The following ZDBF2 variants were observed in gnomAD, a reference collection of about 807,000 sequenced individuals.
The protein encoded by ZDBF2 is DBF4-type zinc finger-containing protein 2.
In ZDBF2, 6 loss-of-function variants were observed where a neutral mutation model predicts 9.4. The observed-to-expected ratio is 0.64, with a 90% confidence interval of 0.35 to 1.27. The LOEUF (loss-of-function observed/expected upper bound fraction) is 1.27, where lower values mean the gene tolerates loss of function less well. Ranked by LOEUF, ZDBF2 falls within the 50% of genes most tolerant of loss-of-function variation. ZDBF2 has a pLI of 0.03. For missense variants in ZDBF2, 2,697 were observed against 2,766.8 expected, an observed-to-expected ratio of 0.97 and a Z score of 0.57; for synonymous variants, 905 against 946.3, an observed-to-expected ratio of 0.96 and a Z score of 0.80.
rs895171154 is a variant in ZDBF2 at position 206,301,876 on chromosome 2, T to G, written c.189-2841T>G. 4.0e-4 allele frequency among the ~76,000 whole-genome samples: 61 copies of G among 152,262 alleles called. 1 individual carries two copies. Among genetic ancestry groups the G allele is most frequent in the African/African-American group, 1.4e-3 (60 of 41,582 alleles). ...TTGGGTGCCCAGTTGTATTTATGAA[T>G]TCTTTTCTTAATGGAAGTATTTAAA... On this transcript the variant is annotated intron_variant, in intron 4 of 4. Transcript: ENST00000374423.
At chr2:206,284,220 T>C (rs902523739) in intron 3 of ZDBF2, among the ~76,000 whole-genome samples, 1 of 152,162 alleles carries the variant, frequency 6.6e-6, no homozygotes, top group Non-Finnish European at 1.5e-5. Context: ...ATAGAAATCA[T>C]GTTAAAATTC....
At chr2:206,287,387 A>G (rs931053403) in intron 3 of ZDBF2, among the ~76,000 whole-genome samples, 3 of 152,284 alleles carry the variant, frequency 2.0e-5, no homozygotes, top group Admixed American at 6.5e-5. Context: ...AGCACTTTCA[A>G]TATATCATCC....
At chr2:206,300,513 C>T (rs534696908) in intron 4 of ZDBF2, among the ~76,000 whole-genome samples, 3 of 152,200 alleles carry the variant, frequency 2.0e-5, no homozygotes, top group East Asian at 1.9e-4. Context: ...ATCTTAGAAT[C>T]GATGTGCCCT....
rs1415224108 is a variant in ZDBF2, at chr2:206,311,419, T to G, written c.6891T>G (p.Ala2297=). ...CTCCTCCAAAGCGACCTGTGCGGGCTTCTTGCCGCGTTGCAAGAAGGAGGA... is the reference window on the plus strand; with the variant it reads ...CTCCTCCAAAGCGACCTGTGCGGGCGTCTTGCCGCGTTGCAAGAAGGAGGA... The part of the protein sequence containing the change: ...ANPPPKRPVR[A]SCRVARRRKK... The change falls in exon 5 of 5, where the codon GCT becomes GCG. Residue 2297 remains alanine (A), a synonymous_variant. Coordinates refer to ENST00000374423, the MANE Select transcript of ZDBF2 (RefSeq NM_020923.3). The G allele has an allele frequency of 1.9e-6, 3 of 1,610,664 alleles. No homozygotes were observed. The South Asian group carries it at 3.3e-5, about 18-fold the overall frequency.
chr2:206,284,669 A>T (rs946617464), intron 3 of ZDBF2, among the ~76,000 whole-genome samples: 3 of 152,124 alleles, frequency 2.0e-5, no homozygotes, highest in Non-Finnish European at 2.9e-5. Flanking sequence ...CACAACTTTG[A>T]TGACAAGATT....
At chr2:206,275,136 CG>C (rs1429648532) in intron 1 of ZDBF2, among the ~76,000 whole-genome samples, 190 bp downstream of exon 1, 1 of 152,036 alleles carries the variant, frequency 6.6e-6, no homozygotes, top group Non-Finnish European at 1.5e-5. Context: ...TGAGAGGTGT[CG>C]GCGGCTCCGG....
At chr2:206,300,493 G>A (rs565780469) in intron 4 of ZDBF2, among the ~76,000 whole-genome samples, 1 of 152,210 alleles carries the variant, frequency 6.6e-6, no homozygotes, top group Non-Finnish European at 1.5e-5. Context: ...TATGCATTTT[G>A]GGCGTGAATA....
Position 206,308,618 on chromosome 2 carries a change from C to T in ZDBF2, c.4090C>T (p.Pro1364Ser), listed in dbSNP as rs748656093. Reference sequence around the variant, plus strand: ...AGATAAGAGCAGTAATTCTTATAGTCCTGAAGAAAGTTCTGATTCCAATGA... The same window carrying T: ...AGATAAGAGCAGTAATTCTTATAGTTCTGAAGAAAGTTCTGATTCCAATGA... ...LEDKSSNSYS[P>S]EESSDSNDSF... The change falls in exon 5 of 5, where the codon CCT becomes TCT. Residue 1364 changes from proline to serine, a missense_variant. By Grantham distance (74) the Pro-to-Ser change is moderately conservative. Around this residue, in one of 3 missense-constraint regions of ZDBF2, gnomAD observed 1,783 missense variants for 1,776.5 expected, o/e 1.00. Coordinates refer to ENST00000374423, the MANE Select transcript of ZDBF2 (RefSeq NM_020923.3). The T allele has an allele frequency of 5.0e-6, 8 of 1,613,000 alleles. No homozygotes were observed. In the South Asian group the frequency reaches 5.5e-5, roughly 11 times the overall value.
chr2:206,308,206 T>A lies in ZDBF2; in HGVS notation c.3678T>A (p.Asp1226Glu), dbSNP rs1692926029. ...ETVKEISLWK[D>E]EEVDTEDRRN... ...TTAAAGAAATAAGCCTTTGGAAGGATGAAGAAGTTGACACGGAAGATAGGA... is the reference window on the plus strand; with the variant it reads ...TTAAAGAAATAAGCCTTTGGAAGGAAGAAGAAGTTGACACGGAAGATAGGA... The change falls in exon 5 of 5, where the codon GAT (aspartate) becomes GAA (glutamate). Residue 1226 changes from aspartate (D) to glutamate (E), a missense_variant. Around this residue, in one of 3 missense-constraint regions of ZDBF2, gnomAD observed 1,783 missense variants for 1,776.5 expected, o/e 1.00. Coordinates refer to ENST00000374423, the MANE Select transcript of ZDBF2 (RefSeq NM_020923.3). The A allele has an allele frequency of 1.2e-6, 2 of 1,613,716 alleles. No homozygotes were observed. Among genetic ancestry groups the A allele is most frequent in the East Asian group, 2.2e-5 (1 of 44,884 alleles).
rs780860606 is a variant in ZDBF2 at position 206,307,931 on chromosome 2, A to G, written c.3403A>G (p.Ile1135Val). Residue 1135 changes from isoleucine (I) to valine (V), a missense_variant, in exon 5 of 5, where the codon ATT becomes GTT. Coordinates refer to ENST00000374423, the MANE Select transcript of ZDBF2 (RefSeq NM_020923.3). ...QSVADQPKVA[I>V]KHVNLGNENH... ...TGTGGCTGATCAACCCAAAGTAGCT[A>G]TTAAACATGTGAACCTTGGGAATGA... 2.5e-6 allele frequency: 4 copies of G among 1,613,774 alleles called. No individual in the cohort carries two copies. Among genetic ancestry groups the G allele is most frequent in the Non-Finnish European group, 8.5e-7 (1 of 1,179,794 alleles).
At position 206,300,110 on chromosome 2, in the gene ZDBF2, A is replaced by AAAAC. The variant is rs567460508; in HGVS notation, c.188+2754_188+2757dup. On this transcript the variant is annotated intron_variant, in intron 4 of 4. Transcript: ENST00000374423. ...GGCAACAAGAGCGAAACTTGGTCTC[A>AAAAC]AAACAAACAAACAAACAAACCCAAA... Among the ~76,000 whole-genome samples, 634 of 152,296 alleles carry AAAAC rather than the reference A, an allele frequency of 4.2e-3. 6 individuals are homozygous for AAAAC. Among genetic ancestry groups the AAAAC allele is most frequent in the African/African-American group, 0.014 (574 of 41,548 alleles).
At chr2:206,299,984 C>T (rs949203171) in intron 4 of ZDBF2, among the ~76,000 whole-genome samples, 2 of 152,128 alleles carry the variant, frequency 1.3e-5, no homozygotes, top group African/African-American at 4.8e-5. Flanking sequence ...TGGTGCATGC[C>T]TGTAATCCCA....
intron 4 of ZDBF2, among the ~76,000 whole-genome samples, chr2:206,302,184 AT>A (rs1166977871): frequency 2.6e-5 from 4 of 151,804 alleles, no homozygotes; most frequent in African/African-American, 9.7e-5. Flanking sequence ...TATTTTTTAA[AT>A]TTTTTGTAGA....
chr2:206,279,830 A>C (rs1040160442), intron 2 of ZDBF2, among the ~76,000 whole-genome samples: 1 of 152,128 alleles, frequency 6.6e-6, no homozygotes, highest in African/African-American at 2.4e-5. Context: ...TTCGAGACAA[A>C]GCCTCGCTCT....
chr2:206,282,963 CGTT>C (rs1240166246), intron 3 of ZDBF2, among the ~76,000 whole-genome samples: 4 of 152,162 alleles, frequency 2.6e-5, no homozygotes, highest in Non-Finnish European at 4.4e-5. Flanking sequence ...TGGAATCAAA[CGTT>C]GTGTGGCCTT....
chr2:206,276,216 AT>A lies in ZDBF2; in HGVS notation c.-103+1273del, dbSNP rs1325464947. Reference sequence around the variant, plus strand: ...TAACTGTGCGCGTGTGCATTGTGAAATTTAGTGGGTCGTGACTAGCATTAAA... The same window carrying A: ...TAACTGTGCGCGTGTGCATTGTGAAATTAGTGGGTCGTGACTAGCATTAAA... On this transcript the variant is annotated intron_variant, in intron 1 of 4. Coordinates refer to ENST00000374423, the MANE Select transcript of ZDBF2 (RefSeq NM_020923.3). 8.5e-5 allele frequency among the ~76,000 whole-genome samples: 13 copies of A among 152,312 alleles called. No individual in the cohort carries two copies. The East Asian group carries it at 2.3e-3, about 27-fold the overall frequency.
At chr2:206,297,661 G>A (rs888279742) in intron 4 of ZDBF2, among the ~76,000 whole-genome samples, 2 of 151,986 alleles carry the variant, frequency 1.3e-5, no homozygotes, top group African/African-American at 4.8e-5. Flanking sequence ...AGGGGGAAAA[G>A]GAGGAAGAGA....
chr2:206,306,022 T>C lies in ZDBF2; in HGVS notation c.1494T>C (p.Cys498=), dbSNP rs1290302284. 1 of 1,613,464 alleles carries C rather than the reference T, an allele frequency of 6.2e-7. No individual in the cohort carries two copies. The highest frequency in any genetic ancestry group is 8.5e-7 in the Non-Finnish European group (1 of 1,179,616). Residue 498 remains cysteine, a synonymous_variant, in exon 5 of 5, where the codon TGT becomes TGC. Coordinates refer to ENST00000374423, the MANE Select transcript of ZDBF2 (RefSeq NM_020923.3). ...ESSSSETNFD[C]DASPQSTSDY... is the part of the protein sequence containing the mutation. ...GTAGTTCTGAAACGAATTTTGATTG[T>C]GATGCTTCACCTCAGTCCACTAGTG...
chr2:206,308,401 A>T lies in ZDBF2; in HGVS notation c.3873A>T (p.Glu1291Asp), dbSNP rs772903872. Residue 1291 changes from glutamate (E) to aspartate (D), a missense_variant, in exon 5 of 5, where the codon GAA becomes GAT. Glu to Asp is a conservative substitution (Grantham distance 45). Coordinates refer to ENST00000374423, the MANE Select transcript of ZDBF2 (RefSeq NM_020923.3). ...CCAGAATAAATTTTGATTCTCATGA[A>T]CCCCTTCAGTCCGTAACTAATAAAA... Reference protein sequence around the residue: ...TDSRINFDSHEPLQSVTNKIP... With the variant: ...TDSRINFDSHDPLQSVTNKIP... 6.2e-7 allele frequency: 1 copy of T among 1,612,968 alleles called. No homozygotes were observed.
Sources: gnomAD v4.1 joint callset for allele counts (sites outside exome capture counted in the v4.1 genomes callset) on GRCh38, gnomAD v4.1.1 for gene constraint, gnomAD v4.1.1 regional missense constraint, MANE v1.5 for transcripts, NCBI Gene and HGNC (gene_info 2026-07-23, HGNC 2026-07-21) for gene names.